The following MAML3 variants were observed in gnomAD, a reference collection of about 807,000 sequenced individuals.
MAML3 encodes the protein mastermind like transcriptional coactivator 3, also known as mastermind-like protein 3.
In MAML3, 27 loss-of-function variants were observed where a neutral mutation model predicts 101.9. That is an observed-to-expected ratio of 0.27 (90% confidence interval 0.20 to 0.37). The LOEUF is 0.37. Among genes scored for constraint, MAML3 ranks in the 10% least tolerant of loss-of-function variants. The probability of loss-of-function intolerance (pLI) is 1.00; values close to 1 mark genes in which losing one functional copy is unlikely to be tolerated. For missense variants in MAML3, 1,316 were observed against 1,444.9 expected (o/e 0.91, Z 1.45); for synonymous variants, 501 against 555.9 (o/e 0.90, Z 1.39).
chr4:139,919,198 T>C (rs897621996), intron 1 of MAML3, among the ~76,000 whole-genome samples: 4 of 151,908 alleles, frequency 2.6e-5, no homozygotes, highest in Admixed American at 1.3e-4. Context: ...TCTTTAAAAA[T>C]AGAACAGCCA....
At chr4:139,828,854 G>A (rs1203999847) in intron 2 of MAML3, among the ~76,000 whole-genome samples, 1 of 151,890 alleles carries the variant, frequency 6.6e-6, no homozygotes, top group Non-Finnish European at 1.5e-5. Context: ...CATTGTCATG[G>A]TCCTGACATA....
At chr4:140,069,384 AAGGAGGAGGAGG>A (rs756106379) in intron 1 of MAML3, among the ~76,000 whole-genome samples, 13 of 60,448 alleles carry the variant, frequency 2.2e-4, no homozygotes, top group East Asian at 5.2e-4. Flanking sequence ...GAAGAAGAAG[AAGGAGGAGGAGG>A]AGGAGGAGGA....
intron 1 of MAML3, among the ~76,000 whole-genome samples, chr4:139,902,800 C>G (rs1023693830): frequency 6.6e-6 from 1 of 152,212 alleles, no homozygotes; most frequent in Admixed American, 6.5e-5. Flanking sequence ...TACACAGCCT[C>G]TTCCGCACAA....
At chr4:140,053,314 A>G (rs1727300081) in intron 1 of MAML3, among the ~76,000 whole-genome samples, 1 of 152,086 alleles carries the variant, frequency 6.6e-6, no homozygotes, top group Non-Finnish European at 1.5e-5. Context: ...ACTCCCCTTC[A>G]TCTCCTTCAC....
intron 1 of MAML3, among the ~76,000 whole-genome samples, chr4:140,151,938 C>T (rs988805013): frequency 1.3e-5 from 2 of 152,188 alleles, no homozygotes; most frequent in Admixed American, 6.5e-5. Flanking sequence ...ATTAAGCAGG[C>T]CCCCAAAGTT....
intron 1 of MAML3, among the ~76,000 whole-genome samples, chr4:140,012,810 G>A (rs752213566): frequency 2.6e-4 from 40 of 152,090 alleles, no homozygotes; most frequent in Non-Finnish European, 5.3e-4. Flanking sequence ...CATCCCATAG[G>A]GGGCACTGAA....
intron 2 of MAML3, among the ~76,000 whole-genome samples, chr4:139,821,950 T>G (rs977374777): frequency 2.0e-5 from 3 of 152,186 alleles, no homozygotes; most frequent in Non-Finnish European, 4.4e-5. Context: ...TGGAGTTCAG[T>G]ATTTGGAGAG....
intron 2 of MAML3, among the ~76,000 whole-genome samples, chr4:139,757,117 A>G (rs1578586046): frequency 6.6e-6 from 1 of 151,964 alleles, no homozygotes; most frequent in African/African-American, 2.4e-5. Flanking sequence ...TAGACTCTTC[A>G]TCTTCTGCCC....
chr4:139,787,134 C>A (rs1389636558), intron 2 of MAML3, among the ~76,000 whole-genome samples: 1 of 152,226 alleles, frequency 6.6e-6, no homozygotes, highest in Non-Finnish European at 1.5e-5. Context: ...CTCTACTGAA[C>A]CTTCCTCGTT....
chr4:139,740,006 G>A (rs1460695318), intron 2 of MAML3, among the ~76,000 whole-genome samples: 1 of 152,130 alleles, frequency 6.6e-6, no homozygotes, highest in Non-Finnish European at 1.5e-5. Context: ...TTAAGTGGCA[G>A]GTCCCCTTTT....
At chr4:139,781,620 T>G (rs1335001616) in intron 2 of MAML3, among the ~76,000 whole-genome samples, 6 of 151,936 alleles carry the variant, frequency 3.9e-5, no homozygotes, top group Admixed American at 2.6e-4. Flanking sequence ...AATATTGTTC[T>G]AATTTCACAG....
In MAML3 at chr4:140,118,043, T is replaced by C. The variant is rs182349370; in HGVS notation, c.468+34817A>G. Among the ~76,000 whole-genome samples the C allele has an allele frequency of 3.4e-3, 517 of 152,154 alleles. 6 individuals carry two copies. The highest frequency in any genetic ancestry group is 0.012 in the African/African-American group (485 of 41,508). On this transcript the variant is annotated intron_variant, in intron 1 of 4. Coordinates refer to ENST00000509479, the MANE Select transcript of MAML3 (RefSeq NM_018717.5). ...ATTTATTTTTTTTAATCTTCTAAAA[T>C]GAGAATCATGACACCCACAGCCGGC...
At chr4:140,130,128 A>T (rs879486684) in intron 1 of MAML3, among the ~76,000 whole-genome samples, 19 of 152,188 alleles carry the variant, frequency 1.2e-4, no homozygotes, top group Non-Finnish European at 2.4e-4. Flanking sequence ...TGGGAAAAAA[A>T]CCTTCTGTTT....
intron 2 of MAML3, among the ~76,000 whole-genome samples, chr4:139,733,355 T>C (rs999084932): frequency 7.2e-5 from 11 of 152,170 alleles, no homozygotes; most frequent in African/African-American, 2.7e-4. Flanking sequence ...CTGTTTATCT[T>C]TGTGCACTTT....
chr4:139,753,344 CT>C (rs1729561758), intron 2 of MAML3, among the ~76,000 whole-genome samples: 5 of 119,706 alleles, frequency 4.2e-5, no homozygotes, highest in Admixed American at 4.0e-4. Flanking sequence ...TCTTTTTAAT[CT>C]ATCTATCTAT....
intron 1 of MAML3, among the ~76,000 whole-genome samples, chr4:140,035,177 T>C (rs1454572749): frequency 6.6e-6 from 1 of 152,126 alleles, no homozygotes; most frequent in East Asian, 1.9e-4. Context: ...TTTCACCATG[T>C]TGGCAAGGCT....
At chr4:139,931,912 G>A (rs111785192) in intron 1 of MAML3, among the ~76,000 whole-genome samples, 7,910 of 151,876 alleles carry the variant, frequency 0.052, 635 homozygotes, top group African/African-American at 0.17. Flanking sequence ...CCAGCTACTC[G>A]GGAGGCTGAG....
At chr4:139,985,806 G>C (rs770248542) in intron 1 of MAML3, among the ~76,000 whole-genome samples, 10 of 152,192 alleles carry the variant, frequency 6.6e-5, no homozygotes, top group Non-Finnish European at 1.0e-4. Context: ...ACAGACACCA[G>C]GGAGAGTTTA....
At chr4:139,946,937 T>A (rs1280716389) in intron 1 of MAML3, among the ~76,000 whole-genome samples, 15 of 150,454 alleles carry the variant, frequency 1.0e-4, no homozygotes, top group Admixed American at 2.0e-4. Flanking sequence ...TCTCTCTCTC[T>A]CTCTCTCTCT....
Sources: gnomAD v4.1 joint callset for allele counts (sites outside exome capture counted in the v4.1 genomes callset) on GRCh38, gnomAD v4.1.1 for gene constraint, MANE v1.5 for transcripts, NCBI Gene and HGNC (gene_info 2026-07-23, HGNC 2026-07-21) for gene names.